Variants in PSPC1 observed in about 807,000 individuals in gnomAD.
PSPC1 encodes the protein paraspeckle component 1.
PSPC1 carries 14 observed loss-of-function variants against 51.6 expected under a neutral mutation model. The ratio of observed to expected loss-of-function variants is 0.27; its 90% CI spans 0.18 to 0.42. The LOEUF (loss-of-function observed/expected upper bound fraction) is 0.42. Ranked by LOEUF, PSPC1 falls within the 10% of genes least tolerant of loss-of-function variation. The pLI is 1.00. For missense variants in PSPC1, 406 were observed against 701.1 expected, an observed-to-expected ratio of 0.58 and a Z score of 4.75; for synonymous variants, 193 against 231.9, an observed-to-expected ratio of 0.83 and a Z score of 1.53.
intron 4 of PSPC1, among the ~76,000 whole-genome samples, chr13:19,743,972 G>T (rs1885694562): frequency 2.6e-5 from 4 of 152,062 alleles, no homozygotes; most frequent in Admixed American, 2.6e-4. Flanking sequence ...GCCAGGCGTG[G>T]TGGCGCATGC....
intron 6 of PSPC1, among the ~76,000 whole-genome samples, chr13:19,715,668 C>T (rs1881998908): frequency 6.6e-6 from 1 of 151,898 alleles, no homozygotes; most frequent in Non-Finnish European, 1.5e-5. Context: ...GGCTGAGATG[C>T]CAATTGCTCG....
At position 19,782,323 on chromosome 13, in the gene PSPC1, C is replaced by G; in HGVS notation, c.372+63G>C. ...GTCCTAGGACGAGGCTGGCCTCAGCCCCACGACCCCGCGGCCACCCCGACA... is the reference window on the plus strand; with the variant it reads ...GTCCTAGGACGAGGCTGGCCTCAGCGCCACGACCCCGCGGCCACCCCGACA... On this transcript the variant is annotated intron_variant, in intron 1 of 8. Coordinates refer to ENST00000338910, the MANE Select transcript of PSPC1 (RefSeq NM_001354909.2). The surrounding 1 kb of genome is among the most constrained non-coding windows in gnomAD (Gnocchi z 4.5). 6.6e-7 allele frequency: 1 copy of G among 1,517,118 alleles called. No individual in the cohort carries two copies. Among genetic ancestry groups the G allele is most frequent in the Admixed American group, 2.1e-5 (1 of 47,524 alleles). 94.0% of individuals were successfully genotyped at this position (1,517,118 alleles called of 1,614,324 possible). A position where few individuals can be genotyped will look rare whatever the true frequency, so the allele number is the denominator to read the frequency against.
In PSPC1 at chr13:19,703,060, A is replaced by C. The variant is rs1880132484; in HGVS notation, c.*115T>G. ...ACCTCAAGTTTTACAAAAAAAAAAA[A>C]ACTTTTAAGTCTACATACATTAACA... On this transcript the variant is annotated 3_prime_UTR_variant, in exon 9 of 9. Transcript: ENST00000338910. The C allele has an allele frequency of 1.6e-6, 1 of 644,654 alleles. No homozygotes were observed. Among genetic ancestry groups the C allele is most frequent in the Non-Finnish European group, 2.5e-6 (1 of 394,722 alleles). The allele number at this position is 644,654 out of a possible 1,614,324, so 39.9% of individuals were successfully genotyped here.
Position 19,708,213 on chromosome 13 carries a change from G to C in PSPC1, c.1216+1329C>G, listed in dbSNP as rs559802960. Among the ~76,000 whole-genome samples, 22 of 152,290 alleles carry C rather than the reference G, an allele frequency of 1.4e-4. No individual in the cohort carries two copies. The South Asian group carries it at 2.5e-3, about 17-fold the overall frequency. On this transcript the variant is annotated intron_variant, in intron 7 of 8. Coordinates refer to ENST00000338910, the MANE Select transcript of PSPC1 (RefSeq NM_001354909.2). ...AGTTTAAGAAAAAAAAGCTGATCAT[G>C]GAAAATGTTCATTCCACACATGACT...
intron 1 of PSPC1, among the ~76,000 whole-genome samples, chr13:19,779,388 AGCCCCCCGCCCG>A (rs1889621973): frequency 2.1e-5 from 2 of 94,884 alleles, no homozygotes; most frequent in Non-Finnish European, 4.4e-5. Context: ...TGGGGGGGTC[AGCCCCCCGCCCG>A]GCCAGCCGCC....
chr13:19,673,588 A>C (rs2137552855), downstream of PSPC1: 1 of 165,416 alleles, frequency 6.0e-6, no homozygotes, highest in African/African-American at 2.4e-5. Context: ...TCTGGGGGAA[A>C]AGGGAGGATT....
chr13:19,687,907 A>G (rs1364359304), intron 6 of PSPC1, among the ~76,000 whole-genome samples: 1 of 151,952 alleles, frequency 6.6e-6, no homozygotes, highest in Non-Finnish European at 1.5e-5. Flanking sequence ...ATAAGATTTT[A>G]GATTTGTTTT....
intron 6 of PSPC1, among the ~76,000 whole-genome samples, chr13:19,714,786 T>G (rs541202177): frequency 5.1e-4 from 77 of 152,198 alleles, no homozygotes; most frequent in Middle Eastern, 3.4e-3. Context: ...TGAGCCACCA[T>G]GCCCAGCCAA....
chr13:19,753,076 T>C (rs1162817563), intron 3 of PSPC1, among the ~76,000 whole-genome samples: 8 of 145,378 alleles, frequency 5.5e-5, no homozygotes, highest in Non-Finnish European at 9.1e-5. Context: ...ACACCAGGAG[T>C]TCAAGACCAG....
In PSPC1 at chr13:19,760,443, G is replaced by A. The variant is rs145121357; in HGVS notation, c.675-1025C>T. 9.8e-3 allele frequency among the ~76,000 whole-genome samples: 1,476 copies of A among 151,342 alleles called. 24 individuals carry two copies. The highest frequency in any genetic ancestry group is 0.034 in the African/African-American group (1,406 of 41,200). On this transcript the variant is annotated intron_variant, in intron 2 of 8. Transcript: ENST00000338910. ...CTCAGGAGGCTGAGGTATGAGAATCGCCTGAACTCAGGAGGCAGAGGTTGC... is the reference window on the plus strand; with the variant it reads ...CTCAGGAGGCTGAGGTATGAGAATCACCTGAACTCAGGAGGCAGAGGTTGC...
chr13:19,700,702 C>G (rs1879795037), downstream of PSPC1, among the ~76,000 whole-genome samples: 1 of 151,950 alleles, frequency 6.6e-6, no homozygotes, highest in Non-Finnish European at 1.5e-5. Context: ...ACTTTAAACT[C>G]AGTACTTCAA....
chr13:19,685,138 T>G (rs1376209917), intron 6 of PSPC1, among the ~76,000 whole-genome samples: 1 of 152,170 alleles, frequency 6.6e-6, no homozygotes, highest in Non-Finnish European at 1.5e-5. Context: ...ATCTCAAACT[T>G]TTCCTGCCTC....
intron 6 of PSPC1, among the ~76,000 whole-genome samples, chr13:19,719,023 T>G (rs1189102700): frequency 1.3e-5 from 2 of 151,686 alleles, no homozygotes; most frequent in East Asian, 3.9e-4. Flanking sequence ...ATACTCTGTA[T>G]GATGCTATAA....
chr13:19,699,297 T>C (rs1334403667), downstream of PSPC1: 1 of 147,606 alleles, frequency 6.8e-6, no homozygotes, highest in East Asian at 2.0e-4. Flanking sequence ...TTTTAAACAT[T>C]AGACACTATA....
At chr13:19,776,178 TG>T (rs914377877) in intron 1 of PSPC1, among the ~76,000 whole-genome samples, 1 of 152,090 alleles carries the variant, frequency 6.6e-6, no homozygotes, top group Non-Finnish European at 1.5e-5. Flanking sequence ...CACAAACCAG[TG>T]GCTAGGCATG....
Position 19,702,908 on chromosome 13 carries a change from C to T in PSPC1, c.*267G>A, listed in dbSNP as rs1366718805. 1 of 252,096 alleles carries T rather than the reference C, an allele frequency of 4.0e-6. No individual in the cohort carries two copies. Among genetic ancestry groups the T allele is most frequent in the East Asian group, 7.0e-5 (1 of 14,212 alleles). The allele number at this position is 252,096 out of a possible 1,614,324, so 15.6% of individuals were successfully genotyped here. On this transcript the variant is annotated 3_prime_UTR_variant, in exon 9 of 9. Coordinates refer to ENST00000338910, the MANE Select transcript of PSPC1 (RefSeq NM_001354909.2). Reference sequence around the variant, plus strand: ...ATGATTTCTTTATTGAGATTAACTACATAGATTTCACAGTACTATGGAATA... The same window carrying T: ...ATGATTTCTTTATTGAGATTAACTATATAGATTTCACAGTACTATGGAATA...
At chr13:19,773,793 C>A (rs1035428992) in intron 1 of PSPC1, among the ~76,000 whole-genome samples, 1 of 151,852 alleles carries the variant, frequency 6.6e-6, no homozygotes, top group Non-Finnish European at 1.5e-5. Flanking sequence ...GCTGGGTTTC[C>A]GGGTGCATGC....
chr13:19,759,959 A>G (rs1362938222), intron 2 of PSPC1, among the ~76,000 whole-genome samples: 1 of 152,140 alleles, frequency 6.6e-6, no homozygotes, highest in East Asian at 1.9e-4. Flanking sequence ...AACAATTATG[A>G]ACCAGCATAA....
chr13:19,730,969 A>AAC (rs1566002486), intron 5 of PSPC1, among the ~76,000 whole-genome samples: 481 of 146,664 alleles, frequency 3.3e-3, no homozygotes, highest in Non-Finnish European at 6.1e-3. Context: ...AAAAAACAAA[A>AAC]AAAAAAAAAA....
Sources: gnomAD v4.1 joint callset for allele counts (sites outside exome capture counted in the v4.1 genomes callset) on GRCh38, gnomAD v4.1.1 for gene constraint, Gnocchi (gnomAD v3.1) non-coding constraint, MANE v1.5 for transcripts, NCBI Gene and HGNC (gene_info 2026-07-23, HGNC 2026-07-21) for gene names.